The following GON4L variants were observed in gnomAD, a reference collection of about 807,000 sequenced individuals.
The protein encoded by GON4L is GON-4-like protein.
A neutral mutation model predicts 211.8 loss-of-function variants in GON4L; 87 were observed. That is an observed-to-expected ratio of 0.41 (90% CI 0.35 to 0.49). GON4L has a LOEUF of 0.49. Among genes scored for constraint, GON4L ranks in the 20% least tolerant of loss-of-function variants. The probability of loss-of-function intolerance (pLI) is 0.15; values close to 1 mark genes in which losing one functional copy is unlikely to be tolerated. For synonymous variants in GON4L, 875 were observed against 962.6 expected, an observed-to-expected ratio of 0.91 and a Z score of 1.68; for missense variants, 2,155 against 2,659.5, an observed-to-expected ratio of 0.81 and a Z score of 4.17.
intron 29 of GON4L, among the ~76,000 whole-genome samples, chr1:155,752,822 A>G (rs182714194): frequency 6.6e-6 from 1 of 152,248 alleles, no homozygotes; most frequent in Non-Finnish European, 1.5e-5. Context: ...GAAAATATAA[A>G]TAATAAAAGA....
intron 12 of GON4L, among the ~76,000 whole-genome samples, chr1:155,787,200 G>A (rs1020681437): frequency 9.9e-5 from 15 of 152,196 alleles, no homozygotes; most frequent in Middle Eastern, 3.4e-3. Context: ...GTGAGCTACC[G>A]CGCCCAGCAA....
intron 9 of GON4L, 82 bp downstream of exon 9, chr1:155,814,248 T>C (rs924172032): frequency 6.1e-6 from 8 of 1,304,812 alleles, no homozygotes; most frequent in South Asian, 2.4e-5. Flanking sequence ...AGAATCACCA[T>C]GGATAAATAA....
rs562942271 is a variant in GON4L at position 155,792,609 on chromosome 1, C to T, written c.1747+2441G>A. Among the ~76,000 whole-genome samples the T allele has an allele frequency of 1.1e-4, 16 of 152,182 alleles. No individual in the cohort carries two copies. In the East Asian group the frequency reaches 1.5e-3, roughly 15 times the overall value. On this transcript the variant is annotated intron_variant, in intron 12 of 31. Transcript: ENST00000368331. ...ATCAATCCTAACGAAGGAGGATCTC[C>T]CTGAGAAATTATACGTAAACTGAAG...
intron 2 of GON4L, among the ~76,000 whole-genome samples, chr1:155,850,337 A>C (rs1557933476): frequency 6.6e-6 from 1 of 152,076 alleles, no homozygotes; most frequent in Non-Finnish European, 1.5e-5. Flanking sequence ...ATACACATAC[A>C]AAAAAAACCG....
chr1:155,746,934 A>G (rs1413865105), downstream of GON4L: 1 of 1,601,568 alleles, frequency 6.2e-7, no homozygotes, highest in East Asian at 2.2e-5. Flanking sequence ...CCATAGGGGC[A>G]GGTAAACGGG....
At chr1:155,771,041 G>A (rs368410764) in intron 19 of GON4L, 26 bp downstream of exon 19, 43 of 1,614,068 alleles carry the variant, frequency 2.7e-5, no homozygotes, top group Admixed American at 1.7e-4. Context: ...TGAGGTGCCC[G>A]GATGGCGCAT....
chr1:155,803,887 T>C (rs551703247), intron 11 of GON4L, among the ~76,000 whole-genome samples: 3 of 152,200 alleles, frequency 2.0e-5, no homozygotes, highest in African/African-American at 7.2e-5. Context: ...TGGAGCTGAG[T>C]GACAAAAGGA....
chr1:155,754,077 T>C (rs1000838037), intron 28 of GON4L: 4 of 412,870 alleles, frequency 9.7e-6, no homozygotes, highest in African/African-American at 4.1e-5. Flanking sequence ...CCAGGATTAC[T>C]TGTAGAGACT....
chr1:155,802,312 T>TGG (rs112512680), intron 11 of GON4L, among the ~76,000 whole-genome samples: 57,233 of 134,640 alleles, frequency 0.43, 13,319 homozygotes, highest in Middle Eastern at 0.56. Context: ...ACATTTTCCT[T>TGG]GGGGGGGGGG....
intron 15 of GON4L, among the ~76,000 whole-genome samples, chr1:155,776,885 C>T (rs970335406): frequency 5.3e-5 from 8 of 152,110 alleles, no homozygotes; most frequent in Admixed American, 2.0e-4. Context: ...ATGTTTGCAA[C>T]TTTATCACAT....
chr1:155,802,845 A>G (rs1765284), intron 11 of GON4L, among the ~76,000 whole-genome samples: 131,362 of 152,140 alleles, frequency 0.86, 58,208 homozygotes, highest in East Asian at 1. Flanking sequence ...ATTCCCAGCT[A>G]TTTAGAAGGC....
At chr1:155,851,903 G>A (rs183924783) in intron 2 of GON4L, among the ~76,000 whole-genome samples, 2 of 152,016 alleles carry the variant, frequency 1.3e-5, no homozygotes, top group East Asian at 3.9e-4. Context: ...GGTGGCTCAC[G>A]CCTGTAATCC....
At chr1:155,835,292 C>A (rs199969771) in intron 2 of GON4L, among the ~76,000 whole-genome samples, 2 of 152,110 alleles carry the variant, frequency 1.3e-5, no homozygotes, top group Non-Finnish European at 2.9e-5. Flanking sequence ...GTCATCACCA[C>A]TCCCTAATCT....
At chr1:155,784,369 T>TCC in intron 13 of GON4L, 1 of 228,448 alleles carries the variant, frequency 4.4e-6, no homozygotes, top group Non-Finnish European at 7.4e-6. Context: ...TTTTTTTTTT[T>TCC]TTTTTTTTTT....
downstream of GON4L, chr1:155,748,692 C>A: frequency 1.9e-6 from 3 of 1,613,822 alleles, no homozygotes; most frequent in Non-Finnish European, 2.5e-6. Flanking sequence ...AGGAGCCACC[C>A]CATGGACCCC....
chr1:155,811,406 A>AAG (rs1383007039), intron 10 of GON4L, among the ~76,000 whole-genome samples: 1 of 149,102 alleles, frequency 6.7e-6, no homozygotes, highest in East Asian at 2.0e-4. Flanking sequence ...AAAAAAAAAA[A>AAG]AAAAAAAAAA....
intron 2 of GON4L, among the ~76,000 whole-genome samples, chr1:155,835,309 C>T (rs921648832): frequency 6.6e-6 from 1 of 152,072 alleles, no homozygotes; most frequent in Non-Finnish European, 1.5e-5. Flanking sequence ...ATCTCAAGGA[C>T]CCAGGGACAC....
At position 155,765,521 on chromosome 1, in the gene GON4L, G is replaced by A. The variant is rs748492451; in HGVS notation, c.3952C>T (p.Pro1318Ser). The stretch of plus-strand genomic sequence containing the variant: ...TTGACAATTTCCTCTAAATCCCCAG[G>A]GGTAGGGTTGTTTAGAGACTCCTGG... ...GIQESLNNPT[P>S]GDLEEIVKME... Residue 1318 changes from proline to serine, a missense_variant, in exon 21 of 32, where the codon CCT (proline) becomes TCT (serine). Pro to Ser is a moderately conservative substitution (Grantham distance 74, BLOSUM62 -1). Coordinates refer to ENST00000368331, the MANE Select transcript of GON4L (RefSeq NM_001282860.2). 6.2e-7 allele frequency: 1 copy of A among 1,614,126 alleles called. No homozygotes were observed. The highest frequency in any genetic ancestry group is 2.2e-5 in the East Asian group (1 of 44,868).
chr1:155,789,295 G>T (rs941903402), intron 12 of GON4L, among the ~76,000 whole-genome samples: 6 of 151,988 alleles, frequency 3.9e-5, no homozygotes, highest in African/African-American at 1.2e-4. Context: ...CCTATAAAAA[G>T]AAATCATAAA....
Sources: gnomAD v4.1 joint callset for allele counts (sites outside exome capture counted in the v4.1 genomes callset) on GRCh38, gnomAD v4.1.1 for gene constraint, MANE v1.5 for transcripts, NCBI Gene and HGNC (gene_info 2026-07-23, HGNC 2026-07-21) for gene names.